Variants in TMEM50B observed in about 807,000 individuals in gnomAD.
TMEM50B encodes the protein HCV p7-trans-regulated protein 3.
TMEM50B carries 14 observed loss-of-function variants against 23.4 expected under a neutral mutation model. That is an observed-to-expected ratio of 0.60 (90% confidence interval 0.39 to 0.93). TMEM50B has a LOEUF of 0.93. Among genes scored for constraint, TMEM50B ranks in the 40% least tolerant of loss-of-function variants. TMEM50B has a pLI of 0.00. For missense variants in TMEM50B, 159 were observed against 193.0 expected, an observed-to-expected ratio of 0.82 and a Z score of 1.04; for synonymous variants, 64 against 62.3, an observed-to-expected ratio of 1.03 and a Z score of -0.13.
At chr21:33,463,518 T>G (rs2084235748) in intron 4 of TMEM50B, among the ~76,000 whole-genome samples, 1 of 152,094 alleles carries the variant, frequency 6.6e-6, no homozygotes, top group African/African-American at 2.4e-5. Context: ...GGGAACTTTT[T>G]GGGGCAATGG....
chr21:33,433,105 C>G (rs1197468262), intron 8 of TMEM50B, among the ~76,000 whole-genome samples: 1 of 152,138 alleles, frequency 6.6e-6, no homozygotes, highest in Non-Finnish European at 1.5e-5. Context: ...AGACTGGTCT[C>G]AAACTCCTGA....
At chr21:33,434,988 G>A (rs1333712410) in intron 8 of TMEM50B, among the ~76,000 whole-genome samples, 2 of 152,156 alleles carry the variant, frequency 1.3e-5, no homozygotes, top group Non-Finnish European at 2.9e-5. Flanking sequence ...GAGTTACATG[G>A]GAACAGTGAA....
chr21:33,470,595 G>C (rs2084305896), intron 1 of TMEM50B, among the ~76,000 whole-genome samples: 1 of 151,038 alleles, frequency 6.6e-6, no homozygotes, highest in Admixed American at 6.6e-5. Context: ...AAATTAGCTG[G>C]GCATGATGGC....
downstream of TMEM50B, among the ~76,000 whole-genome samples, chr21:33,446,655 CAAA>C (rs869154931): frequency 2.6e-4 from 5 of 19,182 alleles, no homozygotes; most frequent in Admixed American, 3.1e-3. Flanking sequence ...CACACACACA[CAAA>C]AAAAAAAAAA....
downstream of TMEM50B, among the ~76,000 whole-genome samples, chr21:33,446,311 A>C (rs1367220980): frequency 1.3e-5 from 2 of 150,198 alleles, no homozygotes; most frequent in African/African-American, 4.9e-5. Flanking sequence ...ATCTGAGCTC[A>C]CTGCAGCCTC....
chr21:33,475,581 C>T (rs971318177), intron 1 of TMEM50B, among the ~76,000 whole-genome samples: 3 of 152,136 alleles, frequency 2.0e-5, no homozygotes, highest in East Asian at 2.0e-4. Context: ...CTCCTGACCT[C>T]GTGATCCACC....
chr21:33,451,538 G>A, intron 6 of TMEM50B, among the ~76,000 whole-genome samples: 1 of 152,166 alleles, frequency 6.6e-6, no homozygotes, highest in African/African-American at 2.4e-5. Context: ...CCTGAGGAGT[G>A]GTGACTGAAT....
intron 5 of TMEM50B, among the ~76,000 whole-genome samples, chr21:33,459,557 A>G (rs912222084): frequency 2.0e-5 from 3 of 151,844 alleles, no homozygotes; most frequent in African/African-American, 7.3e-5. Context: ...AATCCCAGCT[A>G]CTTGGGAGGC....
intron 4 of TMEM50B, 92 bp from the exon 5 acceptor site, chr21:33,460,597 T>C (rs1442460053): frequency 4.6e-6 from 3 of 645,784 alleles, no homozygotes; most frequent in East Asian, 2.7e-5. Flanking sequence ...GTTAGCCTAG[T>C]ATATATTATG....
At chr21:33,474,229 G>T (rs1417809017) in intron 1 of TMEM50B, among the ~76,000 whole-genome samples, 1 of 141,072 alleles carries the variant, frequency 7.1e-6, no homozygotes, top group Non-Finnish European at 1.6e-5. Context: ...GAGAGACAGG[G>T]TTTCACCCAG....
chr21:33,450,958 G>C, intron 6 of TMEM50B, 95 bp from the exon 7 acceptor site: 1 of 964,794 alleles, frequency 1.0e-6, no homozygotes, highest in Non-Finnish European at 1.6e-6. Context: ...GTACTTCACT[G>C]ATTCCTATCA....
chr21:33,473,490 A>T (rs370976846), intron 1 of TMEM50B, among the ~76,000 whole-genome samples: 116 of 151,464 alleles, frequency 7.7e-4, no homozygotes, highest in Middle Eastern at 3.4e-3. Context: ...TCAATCCCAA[A>T]TTCTATACCC....
intron 8 of TMEM50B, chr21:33,439,210 T>C (rs1432916268): frequency 6.6e-6 from 1 of 152,204 alleles, no homozygotes; most frequent in African/African-American, 2.4e-5. Context: ...TTGTAAAGAC[T>C]TACCTTAGAC....
intron 8 of TMEM50B, among the ~76,000 whole-genome samples, chr21:33,434,284 G>T (rs17880137): frequency 6.6e-6 from 1 of 152,122 alleles, no homozygotes; most frequent in Non-Finnish European, 1.5e-5. Flanking sequence ...GACTTGGGGA[G>T]GCCAGGGTGG....
chr21:33,448,582 G>A (rs191667380), downstream of TMEM50B, among the ~76,000 whole-genome samples: 5 of 151,744 alleles, frequency 3.3e-5, no homozygotes, highest in Admixed American at 2.6e-4. Context: ...CAAGGTTCAC[G>A]CCATTCTCTT....
chr21:33,450,886 C>T (rs559608440), intron 6 of TMEM50B, 23 bp from the exon 7 acceptor site: 55 of 1,607,980 alleles, frequency 3.4e-5, no homozygotes, highest in Non-Finnish European at 4.3e-5. Flanking sequence ...GAAAACAAAT[C>T]ATGAGGAAAA....
intron 1 of TMEM50B, among the ~76,000 whole-genome samples, 199 bp downstream of exon 1, chr21:33,479,639 G>A (rs956043911): frequency 6.6e-6 from 1 of 152,198 alleles, no homozygotes; most frequent in Admixed American, 6.5e-5. Flanking sequence ...GCGGGCAGGG[G>A]CAAGAAGGGG....
At chr21:33,433,686 G>A (rs1483687262) in intron 8 of TMEM50B, among the ~76,000 whole-genome samples, 1 of 152,078 alleles carries the variant, frequency 6.6e-6, no homozygotes, top group Admixed American at 6.6e-5. Flanking sequence ...GATGGATGGT[G>A]GTCATGATTG....
intron 5 of TMEM50B, 41 bp from the exon 6 acceptor site, chr21:33,455,825 C>T: frequency 1.4e-6 from 2 of 1,417,522 alleles, no homozygotes; most frequent in Non-Finnish European, 2.0e-6. Context: ...GTTATATAGG[C>T]AAACGGCAGT....
Sources: gnomAD v4.1 joint callset for allele counts (sites outside exome capture counted in the v4.1 genomes callset) on GRCh38, gnomAD v4.1.1 for gene constraint, MANE v1.5 for transcripts, NCBI Gene and HGNC (gene_info 2026-07-23, HGNC 2026-07-21) for gene names.